CFAP54: variants seen among roughly 807,000 people sequenced by gnomAD.
The protein encoded by CFAP54 is cilia and flagella associated protein 54, also known as cilia- and flagella-associated protein 54.
A neutral mutation model predicts 370.4 loss-of-function variants in CFAP54; 290 were observed. The observed-to-expected ratio is 0.78, with a 90% CI of 0.71 to 0.86. The LOEUF is 0.86. Among genes scored for constraint, CFAP54 ranks in the 40% least tolerant of loss-of-function variants. CFAP54 has a pLI of 0.00. For missense variants in CFAP54, 3,399 were observed against 3,528.7 expected (o/e 0.96, Z 0.93); for synonymous variants, 1,206 against 1,236.5 (o/e 0.98, Z 0.52).
At chr12:96,567,331 A>G (rs1168907967) in intron 19 of CFAP54, among the ~76,000 whole-genome samples, 1 of 152,152 alleles carries the variant, frequency 6.6e-6, no homozygotes, top group Non-Finnish European at 1.5e-5. Context: ...CATAAGAAGT[A>G]TTTTTCGCCA....
chr12:96,769,173 AT>A (rs1958431039), intron 60 of CFAP54, among the ~76,000 whole-genome samples: 1 of 63,940 alleles, frequency 1.6e-5, no homozygotes, highest in East Asian at 1.2e-3. Context: ...ATTCAAGTAT[AT>A]ACTCTTATCA....
At chr12:96,811,460 C>G (rs1958927116) in intron 63 of CFAP54, among the ~76,000 whole-genome samples, 1 of 152,116 alleles carries the variant, frequency 6.6e-6, no homozygotes, top group African/African-American at 2.4e-5. Context: ...AGAGGGCCTT[C>G]AAAAGCTGAA....
Position 96,776,797 on chromosome 12 carries a change from T to A in CFAP54, c.8282-7920T>A, listed in dbSNP as rs74576497. ...AATGACATCTTTTACCCATGCATGA[T>A]TTTGTAACATTGTATATTAGGCATT... On this transcript the variant is annotated intron_variant, in intron 60 of 67. Coordinates refer to ENST00000524981, the MANE Select transcript of CFAP54 (RefSeq NM_001306084.2). Among the ~76,000 whole-genome samples the A allele has an allele frequency of 9.5e-3, 1,452 of 152,340 alleles. 57 individuals are homozygous for A. The East Asian group carries it at 0.1, about 11-fold the overall frequency.
chr12:96,646,645 A>G (rs1405449522), intron 33 of CFAP54: 2 of 152,230 alleles, frequency 1.3e-5, no homozygotes, highest in African/African-American at 4.8e-5. Flanking sequence ...ATAAAGACAC[A>G]TGCACAAATA....
chr12:96,685,281 T>C, intron 42 of CFAP54, 43 bp downstream of exon 42: 1 of 1,580,528 alleles, frequency 6.3e-7, no homozygotes. Flanking sequence ...GCTAACAGCT[T>C]CCTTGTGGGG....
At chr12:96,721,054 A>G (rs1957746703) in intron 50 of CFAP54, among the ~76,000 whole-genome samples, 1 of 152,112 alleles carries the variant, frequency 6.6e-6, no homozygotes, top group African/African-American at 2.4e-5. Flanking sequence ...CAATAAAGCA[A>G]TTATTTTATG....
At chr12:96,494,324 A>G (rs1388372822) in intron 1 of CFAP54, among the ~76,000 whole-genome samples, 1 of 150,696 alleles carries the variant, frequency 6.6e-6, no homozygotes, top group Admixed American at 6.6e-5. Context: ...TTTTTTTGAG[A>G]CAGTCTCACT....
At chr12:96,761,059 C>T (rs1958330833) in intron 58 of CFAP54, among the ~76,000 whole-genome samples, 1 of 152,184 alleles carries the variant, frequency 6.6e-6, no homozygotes, top group Non-Finnish European at 1.5e-5. Flanking sequence ...TCAAAGGTGG[C>T]TCTACCATTT....
chr12:96,800,482 G>A (rs1958809025), intron 63 of CFAP54, among the ~76,000 whole-genome samples: 1 of 152,116 alleles, frequency 6.6e-6, no homozygotes, highest in East Asian at 1.9e-4. Context: ...TTGACAATAA[G>A]CATGTATGTA....
intron 48 of CFAP54, among the ~76,000 whole-genome samples, chr12:96,710,570 A>T (rs903988664): frequency 2.0e-5 from 3 of 152,094 alleles, no homozygotes; most frequent in Admixed American, 2.0e-4. Context: ...TTGCACATGA[A>T]AGGTGTACTC....
chr12:96,719,200 ACTGTG>A (rs1957720383), intron 49 of CFAP54, among the ~76,000 whole-genome samples: 1 of 152,172 alleles, frequency 6.6e-6, no homozygotes. Context: ...ATCATTTTGA[ACTGTG>A]CTGTGCTGAA....
intron 24 of CFAP54, among the ~76,000 whole-genome samples, chr12:96,593,351 A>G (rs1418585836): frequency 6.6e-6 from 1 of 151,582 alleles, no homozygotes; most frequent in Non-Finnish European, 1.5e-5. Context: ...TGTTTTTTAC[A>G]GTTGCTATTT....
At chr12:96,517,070 C>T (rs553506733) in intron 5 of CFAP54, among the ~76,000 whole-genome samples, 1 of 148,058 alleles carries the variant, frequency 6.8e-6, no homozygotes. Context: ...TTAATAGAAA[C>T]AATTATTTGT....
rs562177116 is a variant in CFAP54, at chr12:96,663,873, C to A, written c.5504C>A (p.Ser1835Tyr). The change falls in exon 39 of 68, where the codon TCT (serine) becomes TAT (tyrosine). Residue 1835 changes from serine (S) to tyrosine (Y), a missense_variant. By Grantham distance (144) the Ser-to-Tyr change is moderately radical. Coordinates refer to ENST00000524981, the MANE Select transcript of CFAP54 (RefSeq NM_001306084.2). ...ATTGGGAAGCAGCTTAAGATTAATT[C>A]TTCAACCATTGAAGCAACAAGCAAC... ...NFIGKQLKIN[S>Y]STIEATSNCT... The A allele has an allele frequency of 8.7e-6, 14 of 1,613,326 alleles. No individual in the cohort carries two copies. In the Admixed American group the frequency reaches 1.7e-4, roughly 19 times the overall value.
chr12:96,639,042 C>A (rs1956694739), intron 32 of CFAP54, among the ~76,000 whole-genome samples: 2 of 152,120 alleles, frequency 1.3e-5, no homozygotes. Flanking sequence ...AATTTTAGAT[C>A]TTTGTTGCTT....
At chr12:96,641,330 CTCA>C (rs1956725360) in intron 32 of CFAP54, among the ~76,000 whole-genome samples, 1 of 152,220 alleles carries the variant, frequency 6.6e-6, no homozygotes, top group South Asian at 2.1e-4. Flanking sequence ...TGAAAAAATG[CTCA>C]TCATCACTAG....
At chr12:96,621,875 G>GTTTTTTTTTTTTTTTTTTTTTT (rs71068819) in intron 27 of CFAP54, among the ~76,000 whole-genome samples, 154 bp downstream of exon 27, 3 of 50,034 alleles carry the variant, frequency 6.0e-5, no homozygotes, top group East Asian at 8.4e-4. Flanking sequence ...TTTTGGGTTT[G>GTTTTTTTTTTTTTTTTTTTTTT]TTTTTTTTTT....
At chr12:96,771,610 CCA>C (rs1156718530) in intron 60 of CFAP54, among the ~76,000 whole-genome samples, 1 of 152,154 alleles carries the variant, frequency 6.6e-6, no homozygotes, top group Non-Finnish European at 1.5e-5. Context: ...CGAGATAGCG[CCA>C]CTGCACTCCG....
chr12:96,738,204 G>A (rs1347642642), intron 50 of CFAP54, among the ~76,000 whole-genome samples: 1 of 152,176 alleles, frequency 6.6e-6, no homozygotes, highest in African/African-American at 2.4e-5. Flanking sequence ...CTCACAGAGG[G>A]GAAGCCATGG....
Sources: gnomAD v4.1 joint callset for allele counts (sites outside exome capture counted in the v4.1 genomes callset) on GRCh38, gnomAD v4.1.1 for gene constraint, MANE v1.5 for transcripts, NCBI Gene and HGNC (gene_info 2026-07-23, HGNC 2026-07-21) for gene names.